ZNF138: variants seen among roughly 807,000 people sequenced by gnomAD.
The protein encoded by ZNF138 is zinc finger protein 138 (clone pHZ-32).
ZNF138 carries 33 observed loss-of-function variants against 33.0 expected under a neutral mutation model. The observed-to-expected ratio is 1.00, with a 90% CI of 0.76 to 1.34. The LOEUF (loss-of-function observed/expected upper bound fraction) is 1.34, where lower values mean the gene tolerates loss of function less well. Among genes scored for constraint, ZNF138 ranks in the 40% most tolerant of loss-of-function variants. The pLI, the probability that ZNF138 is intolerant of heterozygous loss-of-function variation, is 0.00. For synonymous variants in ZNF138, 139 were observed against 120.4 expected, an observed-to-expected ratio of 1.15 and a Z score of -1.01; for missense variants, 360 against 370.8, an observed-to-expected ratio of 0.97 and a Z score of 0.24.
rs866523656 is a variant in ZNF138 at position 64,821,035 on chromosome 7, G to T, written c.208+5382G>T. Among the ~76,000 whole-genome samples, 21 of 146,004 alleles carry T rather than the reference G, an allele frequency of 1.4e-4. 1 individual carries two copies. The highest frequency in any genetic ancestry group is 1.4e-3 in the East Asian group (7 of 4,998). The stretch of plus-strand genomic sequence containing the variant: ...CCATTCTAATTGGTGTGAGGTGATT[G>T]TTTTTTTTTGTTTTGTTTTTGGTTT... On this transcript the variant is annotated intron_variant, in intron 3 of 3. Transcript: ENST00000307355.
chr7:64,839,752 G>A, the ZNF138 span, among the ~76,000 whole-genome samples: 1 of 152,300 alleles, frequency 6.6e-6, no homozygotes, highest in Non-Finnish European at 1.5e-5. Context: ...CGACCAGGAG[G>A]GGAGTCTTCC....
chr7:64,836,201 G>A (rs569126135), downstream of ZNF138: 67 of 152,248 alleles, frequency 4.4e-4, no homozygotes, highest in African/African-American at 1.6e-3. Flanking sequence ...GGTGGTATAG[G>A]GGTGGATGAA....
downstream of ZNF138, among the ~76,000 whole-genome samples, chr7:64,837,221 G>A (rs1790393823): frequency 6.6e-6 from 1 of 152,082 alleles, no homozygotes; most frequent in Admixed American, 6.5e-5. Context: ...TGGGAAATAT[G>A]GTACCAGGAG....
rs190628883 is a variant in ZNF138 at position 64,816,017 on chromosome 7, A to G, written c.208+364A>G. On this transcript the variant is annotated intron_variant, in intron 3 of 3. Transcript: ENST00000307355. ...ATTTTAAGTTCTCTTTTTGCATCGTATCTGAAATGTGTGAGTAGTGGTTTC... is the reference window on the plus strand; with the variant it reads ...ATTTTAAGTTCTCTTTTTGCATCGTGTCTGAAATGTGTGAGTAGTGGTTTC... Among the ~76,000 whole-genome samples, 388 of 151,352 alleles carry G rather than the reference A, an allele frequency of 2.6e-3. 4 individuals carry two copies. Among genetic ancestry groups the G allele is most frequent in the Admixed American group, 0.01 (158 of 15,124 alleles).
intron 3 of ZNF138, among the ~76,000 whole-genome samples, chr7:64,818,576 ACTGT>A (rs1292925302): frequency 3.3e-5 from 5 of 151,834 alleles, no homozygotes; most frequent in East Asian, 3.9e-4. Context: ...ATGGTGAAAC[ACTGT>A]CTGTACTAAA....
At chr7:64,852,290 T>C in the ZNF138 span, 8 of 757,654 alleles carry the variant, frequency 1.1e-5, no homozygotes, top group Admixed American at 5.4e-5. Context: ...TCACCTGATA[T>C]GTAGATACAG....
chr7:64,820,149 CT>C (rs1789010451), intron 3 of ZNF138, among the ~76,000 whole-genome samples: 1 of 18,290 alleles, frequency 5.5e-5, no homozygotes. Context: ...AATTTTACAT[CT>C]TGTGAAACTA....
intron 3 of ZNF138, among the ~76,000 whole-genome samples, chr7:64,828,873 A>G (rs767703606): frequency 6.6e-6 from 1 of 152,090 alleles, no homozygotes; most frequent in Non-Finnish European, 1.5e-5. Flanking sequence ...TGAAAACTGC[A>G]ATGAGAAATT....
chr7:64,812,959 G>T (rs1788300955), intron 1 of ZNF138, among the ~76,000 whole-genome samples: 1 of 146,206 alleles, frequency 6.8e-6, no homozygotes, highest in Non-Finnish European at 1.5e-5. Flanking sequence ...TTCTCTAATT[G>T]TGTTGTTTCT....
At position 64,832,347 on chromosome 7, in the gene ZNF138, G is replaced by T; in HGVS notation, c.*145G>T. The stretch of plus-strand genomic sequence containing the variant: ...GAAACCCCACAAATGTGAAGAATGT[G>T]GCAGAGCTTTTAACCAGTCCGCAAA... On this transcript the variant is annotated 3_prime_UTR_variant, in exon 4 of 4. Coordinates refer to ENST00000307355, the MANE Select transcript of ZNF138 (RefSeq NM_001271639.2). 1.3e-6 allele frequency: 2 copies of T among 1,566,596 alleles called. No homozygotes were observed. The highest frequency in any genetic ancestry group is 2.4e-5 in the South Asian group (2 of 82,746).
intron 3 of ZNF138, 142 bp from the exon 4 acceptor site, chr7:64,831,309 G>A (rs1790059323): frequency 4.3e-6 from 4 of 921,668 alleles, no homozygotes; most frequent in African/African-American, 1.7e-5. Flanking sequence ...ACATTTATAT[G>A]TCTATAAAGG....
chr7:64,817,873 T>A (rs1359643879), intron 3 of ZNF138, among the ~76,000 whole-genome samples: 3 of 152,114 alleles, frequency 2.0e-5, no homozygotes, highest in African/African-American at 7.2e-5. Context: ...TAGTAGGCAC[T>A]CCATATTTAC....
Position 64,811,648 on chromosome 7 carries a change from T to C in ZNF138, c.4-3270T>C, listed in dbSNP as rs1788185990. On this transcript the variant is annotated intron_variant, in intron 1 of 3. Transcript: ENST00000307355. ...TTTCAAATGCAGATTTATTCAGACA[T>C]AGCTGCCTTCTGTTTGTTCTGTAAA... 3.9e-5 allele frequency among the ~76,000 whole-genome samples: 6 copies of C among 152,364 alleles called. No individual in the cohort carries two copies. The South Asian group carries it at 1.2e-3, about 32-fold the overall frequency.
At chr7:64,852,636 T>C in the ZNF138 span, 1 of 1,444,414 alleles carries the variant, frequency 6.9e-7, no homozygotes, top group South Asian at 1.1e-5. Flanking sequence ...GCCATGTTCA[T>C]CATCACCTCC....
At chr7:64,820,136 A>ATTTCAGGCATGTTAACTATATTCACATT (rs1562911823) in intron 3 of ZNF138, among the ~76,000 whole-genome samples, 1 of 151,916 alleles carries the variant, frequency 6.6e-6, no homozygotes. Flanking sequence ...AAAGACTTTC[A>ATTTCAGGCATGTTAACTATATTCACATT]GAAATTTTAC....
At position 64,815,519 on chromosome 7, in the gene ZNF138, G is replaced by A. The variant is rs987123182; in HGVS notation, c.131-57G>A. The A allele has an allele frequency of 7.9e-6, 12 of 1,513,970 alleles. No individual in the cohort carries two copies. In the East Asian group the frequency reaches 1.4e-4, roughly 18 times the overall value. The allele number at this position is 1,513,970 out of a possible 1,614,324, so 93.8% of individuals were successfully genotyped here. A position where few individuals can be genotyped will look rare whatever the true frequency, so the allele number is the denominator to read the frequency against. On this transcript the variant is annotated intron_variant, in intron 2 of 3. Transcript: ENST00000307355. ...TACTAGGTTGGTAATTGGAGAATAT[G>A]AGCCAGAGTCATGTTACTTATTTTT...
intron 3 of ZNF138, among the ~76,000 whole-genome samples, chr7:64,823,952 A>G (rs1009956088): frequency 2.0e-5 from 3 of 152,176 alleles, no homozygotes; most frequent in Admixed American, 6.5e-5. Context: ...AAATAAATAA[A>G]TAAATTTAAT....
intron 3 of ZNF138, among the ~76,000 whole-genome samples, chr7:64,825,785 C>T (rs1186332814): frequency 6.6e-6 from 1 of 152,100 alleles, no homozygotes; most frequent in Non-Finnish European, 1.5e-5. Flanking sequence ...GATCTGCCCA[C>T]CTTGGCCTCC....
intron 1 of ZNF138, among the ~76,000 whole-genome samples, chr7:64,802,284 G>A (rs568361629): frequency 6.6e-6 from 1 of 152,266 alleles, no homozygotes; most frequent in African/African-American, 2.4e-5. Context: ...GTTTTATTGT[G>A]GAGAGGAATC....
Sources: gnomAD v4.1 joint callset for allele counts (sites outside exome capture counted in the v4.1 genomes callset) on GRCh38, gnomAD v4.1.1 for gene constraint, MANE v1.5 for transcripts, NCBI Gene and HGNC (gene_info 2026-07-23, HGNC 2026-07-21) for gene names.